Variants in CBLN2 observed in about 807,000 individuals in gnomAD.
CBLN2 encodes the protein cerebellin-2.
A neutral mutation model predicts 15.0 loss-of-function variants in CBLN2; 7 were observed. That is an observed-to-expected ratio of 0.47 (90% CI 0.27 to 0.88). CBLN2 has a LOEUF of 0.88. Among genes scored for constraint, CBLN2 ranks in the 40% least tolerant of loss-of-function variants. CBLN2 has a pLI of 0.14. For missense variants in CBLN2, 242 were observed against 304.5 expected, an observed-to-expected ratio of 0.79 and a Z score of 1.53; for synonymous variants, 149 against 135.2, an observed-to-expected ratio of 1.10 and a Z score of -0.71.
intron 1 of CBLN2, among the ~76,000 whole-genome samples, chr18:72,620,061 C>T (rs1017009260): frequency 2.0e-5 from 3 of 152,230 alleles, no homozygotes; most frequent in African/African-American, 7.2e-5. Context: ...GAACAAACTC[C>T]ATGCAGGCCC....
chr18:72,563,645 G>A (rs2069275611), intron 1 of CBLN2, among the ~76,000 whole-genome samples: 1 of 152,190 alleles, frequency 6.6e-6, no homozygotes, highest in Non-Finnish European at 1.5e-5. Flanking sequence ...AGTTCCAAGT[G>A]CACCACCCAC....
chr18:72,624,682 C>G (rs2069723135), intron 1 of CBLN2, among the ~76,000 whole-genome samples: 1 of 152,104 alleles, frequency 6.6e-6, no homozygotes, highest in South Asian at 2.1e-4. Flanking sequence ...CTTTTTCATT[C>G]CTGTCTTTGG....
rs141508344 is a variant in CBLN2 at position 72,544,254 on chromosome 18, T to TC, written c.-490dup. The stretch of plus-strand genomic sequence containing the variant: ...TGATTTAGGAGCTGTGGTTCCAGAG[T>TC]CCCAGTTGGGGAACTGTCCGGTTCC... On this transcript the variant is annotated 5_prime_UTR_variant, in exon 1 of 5. Transcript: ENST00000269503. 126,641 of 151,994 alleles carry TC rather than the reference T, an allele frequency of 0.83. 56,549 individuals carry two copies. Among genetic ancestry groups the TC allele is most frequent in the Non-Finnish European group, 0.99 (67,058 of 68,032 alleles). The allele number at this position is 151,994 out of a possible 1,614,324, so 9.4% of individuals were successfully genotyped here. A position where few individuals can be genotyped will look rare whatever the true frequency, so the allele number is the denominator to read the frequency against.
chr18:72,611,038 C>T (rs1289785773), intron 1 of CBLN2, among the ~76,000 whole-genome samples: 5 of 152,286 alleles, frequency 3.3e-5, no homozygotes, highest in Non-Finnish European at 5.9e-5. Flanking sequence ...AAATGACCTC[C>T]AGCTGCATCC....
intron 1 of CBLN2, among the ~76,000 whole-genome samples, chr18:72,602,679 T>C (rs2069556890): frequency 6.6e-6 from 1 of 152,194 alleles, no homozygotes; most frequent in South Asian, 2.1e-4. Flanking sequence ...TGGGTGGGGC[T>C]GATTCATTCC....
chr18:72,599,947 G>A (rs1220891072), intron 1 of CBLN2, among the ~76,000 whole-genome samples: 1 of 152,294 alleles, frequency 6.6e-6, no homozygotes, highest in African/African-American at 2.4e-5. Flanking sequence ...GATTCTATGG[G>A]AAGCTTGGAG....
chr18:72,616,016 T>A (rs2069659204), intron 1 of CBLN2, among the ~76,000 whole-genome samples: 2 of 152,232 alleles, frequency 1.3e-5, no homozygotes, highest in African/African-American at 4.8e-5. Context: ...TTTCAGAAGT[T>A]TCCTAAGAAT....
chr18:72,542,877 G>A (rs932602145), intron 2 of CBLN2: 8 of 153,456 alleles, frequency 5.2e-5, no homozygotes, highest in African/African-American at 2.0e-4. Context: ...AATCTCCTTG[G>A]GGCGAATAAG....
At chr18:72,550,528 C>G (rs1300887679) in intron 1 of CBLN2, among the ~76,000 whole-genome samples, 1 of 151,990 alleles carries the variant, frequency 6.6e-6, no homozygotes, top group African/African-American at 2.4e-5. Flanking sequence ...GCTACGGAGG[C>G]GGCGGAAAGA....
At position 72,579,726 on chromosome 18, in the gene CBLN2, C is replaced by T. The variant is rs561516280; in HGVS notation, c.16-40954G>A. Among the ~76,000 whole-genome samples the T allele has an allele frequency of 1.3e-4, 16 of 122,552 alleles. No individual in the cohort carries two copies. In the East Asian group the frequency reaches 2.3e-3, roughly 17 times the overall value. The allele number at this position is 122,552 out of a possible 152,430, so 80.4% of individuals were successfully genotyped here. ...CAGCCTGGGTGACAGAGCGAGACTC[C>T]GTCTCGCAAAAAACAAAAAACAAAA... is the stretch of plus-strand genomic sequence containing the variant. On this transcript the variant is annotated intron_variant, in intron 1 of 2. Coordinates refer to the CBLN2 transcript ENST00000581073.
intron 1 of CBLN2, among the ~76,000 whole-genome samples, chr18:72,554,414 A>G (rs1480020245): frequency 6.6e-6 from 1 of 152,196 alleles, no homozygotes; most frequent in Non-Finnish European, 1.5e-5. Flanking sequence ...TATTCTAACT[A>G]GAGAAATTGT....
intron 1 of CBLN2, among the ~76,000 whole-genome samples, chr18:72,569,592 T>C (rs1357749657): frequency 2.6e-5 from 4 of 152,176 alleles, no homozygotes; most frequent in African/African-American, 9.7e-5. Context: ...GGCATCTGAT[T>C]CTGGGGAGGC....
rs1297694118 is a variant in CBLN2 at position 72,543,723 on chromosome 18, C to A, written c.-211-193G>T. Reference sequence around the variant, plus strand: ...GCGCCCGGGACCGGGAACCCCGCGTCTCGCCCGGCTCAGCGCCCCGCGCTG... The same window carrying A: ...GCGCCCGGGACCGGGAACCCCGCGTATCGCCCGGCTCAGCGCCCCGCGCTG... On this transcript the variant is annotated intron_variant, in intron 1 of 4. Coordinates refer to ENST00000269503, the MANE Select transcript of CBLN2 (RefSeq NM_182511.4). The surrounding 1 kb of genome is among the most constrained non-coding windows in gnomAD (Gnocchi z 6.8). Among the ~76,000 whole-genome samples the A allele has an allele frequency of 6.6e-6, 1 of 151,908 alleles. No homozygotes were observed. Among genetic ancestry groups the A allele is most frequent in the Admixed American group, 6.6e-5 (1 of 15,246 alleles).
intron 1 of CBLN2, among the ~76,000 whole-genome samples, chr18:72,551,156 G>C (rs1033791120): frequency 1.3e-5 from 2 of 151,782 alleles, no homozygotes; most frequent in Non-Finnish European, 2.9e-5. Context: ...AATTTATTCC[G>C]ATGCTTATTA....
At chr18:72,624,355 A>G (rs2069720835) in intron 1 of CBLN2, among the ~76,000 whole-genome samples, 1 of 152,086 alleles carries the variant, frequency 6.6e-6, no homozygotes, top group Non-Finnish European at 1.5e-5. Context: ...TTACTATTGC[A>G]ATTACCCTAA....
At chr18:72,605,081 C>T (rs1198779980) in intron 1 of CBLN2, among the ~76,000 whole-genome samples, 1 of 152,170 alleles carries the variant, frequency 6.6e-6, no homozygotes, top group Non-Finnish European at 1.5e-5. Context: ...CATATCTAAA[C>T]ACTTGACCCT....
At chr18:72,598,898 T>G (rs1416117087) in intron 1 of CBLN2, among the ~76,000 whole-genome samples, 1 of 152,222 alleles carries the variant, frequency 6.6e-6, no homozygotes, top group East Asian at 1.9e-4. Flanking sequence ...GCACAGATTT[T>G]TTCCATGCCA....
intron 1 of CBLN2, among the ~76,000 whole-genome samples, chr18:72,598,971 C>G (rs912761225): frequency 2.0e-5 from 3 of 152,138 alleles, no homozygotes; most frequent in Non-Finnish European, 4.4e-5. Flanking sequence ...CCTTTCCTAC[C>G]GTCTTTAGTG....
At chr18:72,542,636 C>T (rs1348983940) in intron 2 of CBLN2, among the ~76,000 whole-genome samples, 2 of 152,106 alleles carry the variant, frequency 1.3e-5, no homozygotes, top group Admixed American at 1.3e-4. Flanking sequence ...GCCACCCCGC[C>T]CATTCACCAG....
Sources: gnomAD v4.1 joint callset for allele counts (sites outside exome capture counted in the v4.1 genomes callset) on GRCh38, gnomAD v4.1.1 for gene constraint, Gnocchi (gnomAD v3.1) non-coding constraint, MANE v1.5 for transcripts, NCBI Gene and HGNC (gene_info 2026-07-23, HGNC 2026-07-21) for gene names.